The following ARHGAP29 variants were observed in gnomAD, a reference collection of about 807,000 sequenced individuals.
ARHGAP29 encodes Rho GTPase activating protein 29.
A neutral mutation model predicts 122.6 loss-of-function variants in ARHGAP29; 43 were observed. The ratio of observed to expected loss-of-function variants is 0.35; its 90% CI spans 0.27 to 0.45. The LOEUF is 0.45. Among genes scored for constraint, ARHGAP29 ranks in the 20% least tolerant of loss-of-function variants. The probability of loss-of-function intolerance (pLI) is 1.00; values close to 1 mark genes in which losing one functional copy is unlikely to be tolerated. For synonymous variants in ARHGAP29, 506 were observed against 497.1 expected (o/e 1.02, Z -0.24); for missense variants, 1,303 against 1,477.2 (o/e 0.88, Z 1.93).
At chr1:94,221,858 T>A (rs1652312480) in intron 2 of ARHGAP29, among the ~76,000 whole-genome samples, 1 of 151,766 alleles carries the variant, frequency 6.6e-6, no homozygotes. Flanking sequence ...TCTAATACTA[T>A]TCTCCAATGA....
At chr1:94,300,548 C>A in the ARHGAP29 span, among the ~76,000 whole-genome samples, 1 of 152,162 alleles carries the variant, frequency 6.6e-6, no homozygotes, top group Non-Finnish European at 1.5e-5. Flanking sequence ...TACTCTCCTC[C>A]GCCTGAATTA....
At chr1:94,303,497 G>A in the ARHGAP29 span, among the ~76,000 whole-genome samples, 68 of 152,206 alleles carry the variant, frequency 4.5e-4, no homozygotes, top group African/African-American at 1.5e-3. Context: ...GGTGGTGATG[G>A]TTGCACAACA....
At chr1:94,272,357 G>A (rs1044972908) in intron 1 of ARHGAP29, among the ~76,000 whole-genome samples, 9 of 152,212 alleles carry the variant, frequency 5.9e-5, no homozygotes, top group African/African-American at 2.2e-4. Flanking sequence ...CCATGGTAGA[G>A]CTGCTCCTTG....
At chr1:94,259,847 A>C (rs1366019367) in intron 1 of ARHGAP29, among the ~76,000 whole-genome samples, 1 of 152,252 alleles carries the variant, frequency 6.6e-6, no homozygotes, top group East Asian at 1.9e-4. Context: ...TGCCCTTTCA[A>C]GATGGAACAG....
chr1:94,231,921 G>A (rs1278263188), intron 1 of ARHGAP29, among the ~76,000 whole-genome samples: 1 of 152,092 alleles, frequency 6.6e-6, no homozygotes, highest in Non-Finnish European at 1.5e-5. Context: ...AGGTTTAGAG[G>A]TTAAAAATTT....
chr1:94,312,357 T>TG, the ARHGAP29 span, among the ~76,000 whole-genome samples: 4 of 121,022 alleles, frequency 3.3e-5, no homozygotes, highest in Non-Finnish European at 6.8e-5. Flanking sequence ...TTTTATTTGT[T>TG]TTTTTTTTTT....
At chr1:94,219,974 C>T (rs1226263383) in intron 3 of ARHGAP29, among the ~76,000 whole-genome samples, 3 of 152,184 alleles carry the variant, frequency 2.0e-5, no homozygotes, top group Non-Finnish European at 2.9e-5. Flanking sequence ...CTCGAAAGAG[C>T]GTGCACTCAT....
Position 94,172,508 on chromosome 1 carries a change from T to C in ARHGAP29, c.*1361A>G, listed in dbSNP as rs546038070. ...ATTGTAGTCAACGGATGTATGATCCTAGGTGTTGACTTCTAAGCCAATGGT... is the reference window on the plus strand; with the variant it reads ...ATTGTAGTCAACGGATGTATGATCCCAGGTGTTGACTTCTAAGCCAATGGT... On this transcript the variant is annotated 3_prime_UTR_variant, in exon 23 of 23. Transcript: ENST00000260526. 6.6e-6 allele frequency: 1 copy of C among 152,140 alleles called. No individual in the cohort carries two copies. Among genetic ancestry groups the C allele is most frequent in the South Asian group, 2.1e-4 (1 of 4,818 alleles). The allele number at this position is 152,140 out of a possible 1,614,324, so 9.4% of individuals were successfully genotyped here. A position where few individuals can be genotyped will look rare whatever the true frequency, so the allele number is the denominator to read the frequency against.
chr1:94,209,798 A>G (rs1457411816), intron 3 of ARHGAP29, among the ~76,000 whole-genome samples: 1 of 65,246 alleles, frequency 1.5e-5, no homozygotes, highest in Admixed American at 2.3e-4. Context: ...ATTACCAATA[A>G]TTAAAGTCAT....
chr1:94,193,369 A>C (rs1021542251), intron 12 of ARHGAP29: 7 of 76,866 alleles, frequency 9.1e-5, no homozygotes, highest in African/African-American at 3.3e-4. Flanking sequence ...AGAATACTAC[A>C]AAAAAAAAAA....
intron 1 of ARHGAP29, among the ~76,000 whole-genome samples, chr1:94,259,230 G>T (rs1654470544): frequency 6.6e-6 from 1 of 152,188 alleles, no homozygotes; most frequent in South Asian, 2.1e-4. Context: ...GTGATGGGCA[G>T]CTGGTCAAAG....
chr1:94,223,400 C>T (rs1652433496), intron 2 of ARHGAP29, among the ~76,000 whole-genome samples: 1 of 151,872 alleles, frequency 6.6e-6, no homozygotes, highest in Non-Finnish European at 1.5e-5. Flanking sequence ...TTACTTAGCC[C>T]CTCTGTGCCT....
chr1:94,264,098 T>C (rs892178606), intron 1 of ARHGAP29, among the ~76,000 whole-genome samples: 9 of 152,218 alleles, frequency 5.9e-5, no homozygotes, highest in Non-Finnish European at 8.8e-5. Flanking sequence ...TCGTACGTAA[T>C]GCCAAATTGA....
At chr1:94,226,216 A>G (rs935435477) in intron 2 of ARHGAP29, among the ~76,000 whole-genome samples, 3 of 152,054 alleles carry the variant, frequency 2.0e-5, no homozygotes, top group Non-Finnish European at 4.4e-5. Flanking sequence ...GAAAGTCCCA[A>G]TTTTTGTCGT....
In ARHGAP29 at chr1:94,205,124, C is replaced by T. The variant is rs769812766; in HGVS notation, c.634G>A (p.Ala212Thr). ...TDSIELALSY[A>T]KTWSKYTKNI... ...TTAGTATATTTTGACCAAGTTTTAGCATATGACAAAGCCAGCTCGATAGAG... is the reference window on the plus strand; with the variant it reads ...TTAGTATATTTTGACCAAGTTTTAGTATATGACAAAGCCAGCTCGATAGAG... Residue 212 changes from alanine (A) to threonine (T), a missense_variant, in exon 7 of 23, where the codon GCT (alanine) becomes ACT (threonine). Physicochemically the swap from Ala to Thr is moderately conservative, Grantham distance 58 (BLOSUM62 0). Around this residue, in one of 3 missense-constraint regions of ARHGAP29, gnomAD observed 592 missense variants for 648.2 expected, o/e 0.91. Transcript: ENST00000260526. The T allele has an allele frequency of 6.2e-7, 1 of 1,608,874 alleles. No homozygotes were observed. The highest frequency in any genetic ancestry group is 1.7e-5 in the Admixed American group (1 of 59,060).
intron 3 of ARHGAP29, among the ~76,000 whole-genome samples, chr1:94,214,434 A>T (rs1185731222): frequency 6.6e-6 from 1 of 152,140 alleles, no homozygotes; most frequent in African/African-American, 2.4e-5. Context: ...TTAACCTCCA[A>T]GCTCCAGATT....
rs985989356 is a variant in ARHGAP29 at position 94,171,548 on chromosome 1, TCTG to T, written c.*2318_*2320del. 6.6e-6 allele frequency among the ~76,000 whole-genome samples: 1 copy of T among 152,142 alleles called. No homozygotes were observed. The highest frequency in any genetic ancestry group is 2.4e-5 in the African/African-American group (1 of 41,432). On this transcript the variant is annotated 3_prime_UTR_variant, in exon 23 of 23. Transcript: ENST00000260526. Reference sequence around the variant, plus strand: ...TCTTTCCATGTTGCAAAAAACAACTTCTGGATAAATGATTTCCACCACACTATT... The same window carrying T: ...TCTTTCCATGTTGCAAAAAACAACTTGATAAATGATTTCCACCACACTATT...
At chr1:94,174,851 A>T in intron 22 of ARHGAP29, 102 bp from the exon 23 acceptor site, 2 of 1,305,860 alleles carry the variant, frequency 1.5e-6, no homozygotes, top group South Asian at 2.9e-5. Context: ...TGAGTCTTAC[A>T]TATTTTTTCC....
chr1:94,210,377 T>C (rs1651508563), intron 3 of ARHGAP29, among the ~76,000 whole-genome samples: 4 of 152,330 alleles, frequency 2.6e-5, no homozygotes, highest in Middle Eastern at 3.4e-3. Flanking sequence ...TCAGATTTCA[T>C]AGGTACGTGG....
Sources: allele counts gnomAD v4.1 joint callset (sites outside exome capture counted in the v4.1 genomes callset), GRCh38; gene constraint gnomAD v4.1.1; regional missense constraint gnomAD v4.1.1; transcripts MANE v1.5; gene names NCBI Gene and HGNC (gene_info 2026-07-23, HGNC 2026-07-21).